ANKS6: variants seen among roughly 807,000 people sequenced by gnomAD.
The protein encoded by ANKS6 is ankyrin repeat and sterile alpha motif domain containing 6.
A neutral mutation model predicts 77.9 loss-of-function variants in ANKS6; 47 were observed. That is an observed-to-expected ratio of 0.60 (90% CI 0.48 to 0.77). ANKS6 has a LOEUF of 0.77. ANKS6 is among the 30% of genes least tolerant of loss of function. The probability of loss-of-function intolerance (pLI) is 0.00; values close to 1 mark genes in which losing one functional copy is unlikely to be tolerated. For synonymous variants in ANKS6, 488 were observed against 501.7 expected (o/e 0.97, Z 0.37); for missense variants, 1,150 against 1,159.1 (o/e 0.99, Z 0.11).
intron 13 of ANKS6, chr9:98,746,093 G>A (rs1230862420): frequency 1.2e-5 from 2 of 167,370 alleles, no homozygotes; most frequent in Non-Finnish European, 2.6e-5. Context: ...GACAGAGACA[G>A]ACTGTGGAAA....
At position 98,734,498 on chromosome 9, in the gene ANKS6, G is replaced by A. The variant is rs992439181; in HGVS notation, c.*2021C>T. 1 of 985,288 alleles carries A rather than the reference G, an allele frequency of 1.0e-6. No homozygotes were observed. Among genetic ancestry groups the A allele is most frequent in the African/African-American group, 1.7e-5 (1 of 57,228 alleles). 61.0% of individuals were successfully genotyped at this position (985,288 alleles called of 1,614,324 possible). ...TGAATTTCAGAGGCAAACAATTCTAGGCCTACTGTTAACCCCTGAAGCCAT... is the reference window on the plus strand; with the variant it reads ...TGAATTTCAGAGGCAAACAATTCTAAGCCTACTGTTAACCCCTGAAGCCAT... On this transcript the variant is annotated 3_prime_UTR_variant, in exon 15 of 15. Transcript: ENST00000353234.
At position 98,751,096 on chromosome 9, in the gene ANKS6, T is replaced by C. The variant is rs372265310; in HGVS notation, c.2327A>G (p.Asp776Gly). 2.3e-5 allele frequency: 37 copies of C among 1,602,830 alleles called. No homozygotes were observed. The highest frequency in any genetic ancestry group is 2.8e-5 in the Non-Finnish European group (33 of 1,176,276). The change falls in exon 13 of 15, where the codon GAT (aspartate) becomes GGT (glycine). Residue 776 changes from aspartate (D) to glycine (G), a missense_variant and splice_region_variant. Physicochemically the swap from Asp to Gly is moderately conservative, Grantham distance 94 (BLOSUM62 -1). Transcript: ENST00000353234. ...GSSSGTITDE[D>G]ELTGILKKLS... ...TTTCTTAAGGATTCCAGTCAGTTCATCTTCAAGATGGAAAGGTGAAAAAAA... is the reference window on the plus strand; with the variant it reads ...TTTCTTAAGGATTCCAGTCAGTTCACCTTCAAGATGGAAAGGTGAAAAAAA...
intron 9 of ANKS6, among the ~76,000 whole-genome samples, chr9:98,773,360 C>G (rs1170306031): frequency 2.0e-5 from 3 of 152,230 alleles, no homozygotes; most frequent in Non-Finnish European, 4.4e-5. Flanking sequence ...AGGTTACACA[C>G]AGATACCTTC....
At chr9:98,750,850 T>A (rs1251945289) in intron 13 of ANKS6, among the ~76,000 whole-genome samples, 179 bp downstream of exon 13, 1 of 152,190 alleles carries the variant, frequency 6.6e-6, no homozygotes, top group African/African-American at 2.4e-5. Flanking sequence ...AAGCAAGCCA[T>A]AAGTCCCCAG....
At chr9:98,786,773 T>C (rs1325513701) in intron 2 of ANKS6, among the ~76,000 whole-genome samples, 1 of 152,208 alleles carries the variant, frequency 6.6e-6, no homozygotes, top group African/African-American at 2.4e-5. Context: ...GCCAAGACCT[T>C]TTCACAGAAA....
At chr9:98,770,832 AG>A in intron 10 of ANKS6, 63 bp downstream of exon 10, 4 of 1,294,836 alleles carry the variant, frequency 3.1e-6, no homozygotes, top group Non-Finnish European at 3.0e-6. Flanking sequence ...ATATCCAGGC[AG>A]TGCACACCCT....
At chr9:98,742,670 C>T (rs1472067496) in intron 14 of ANKS6, among the ~76,000 whole-genome samples, 1 of 152,064 alleles carries the variant, frequency 6.6e-6, no homozygotes, top group Non-Finnish European at 1.5e-5. Flanking sequence ...GTTGGGGGGA[C>T]ACAGGTGGGA....
chr9:98,779,112 G>A (rs1834084170), intron 6 of ANKS6, among the ~76,000 whole-genome samples: 1 of 152,238 alleles, frequency 6.6e-6, no homozygotes, highest in Admixed American at 6.5e-5. Flanking sequence ...AAGGAGCGCC[G>A]AGTCTGCAGC....
In ANKS6 at chr9:98,791,459, T is replaced by A. The variant is rs1460077415; in HGVS notation, c.360-853A>T. ...AGATCTGCACCCACCAACTTCCTAG[T>A]ACCAGGAGAAGGAAAACAGGTACCT... On this transcript the variant is annotated intron_variant, in intron 1 of 14. Transcript: ENST00000353234. The surrounding 1 kb of genome is among the most constrained non-coding windows in gnomAD (Gnocchi z 4.3). Among the ~76,000 whole-genome samples, 1 of 152,170 alleles carries A rather than the reference T, an allele frequency of 6.6e-6. No individual in the cohort carries two copies. Among genetic ancestry groups the A allele is most frequent in the Non-Finnish European group, 1.5e-5 (1 of 68,016 alleles).
intron 11 of ANKS6, among the ~76,000 whole-genome samples, chr9:98,764,826 T>G (rs1372756547): frequency 6.6e-6 from 1 of 152,222 alleles, no homozygotes; most frequent in Non-Finnish European, 1.5e-5. Context: ...TTATTTAAAA[T>G]TCCCTGTCAA....
At position 98,778,249 on chromosome 9, in the gene ANKS6, G is replaced by A. The variant is rs141766991; in HGVS notation, c.1544C>T (p.Ala515Val). The change falls in exon 7 of 15, where the codon GCG becomes GTG. Residue 515 changes from alanine to valine, a missense_variant. Physicochemically the swap from Ala to Val is moderately conservative, Grantham distance 64. Transcript: ENST00000353234. The part of the protein sequence containing the change: ...DKTSRSALPD[A>V]APVTKDNGPG... ...ACCATTGTCTTTGGTCACAGGGGCC[G>A]CATCAGGGAGTGCAGAGCGGCTTGT... The A allele has an allele frequency of 5.6e-5, 90 of 1,614,164 alleles. No individual in the cohort carries two copies. Among genetic ancestry groups the A allele is most frequent in the Non-Finnish European group, 7.3e-5 (86 of 1,180,034 alleles).
In ANKS6 at chr9:98,796,327, G is replaced by A. The variant is rs138948716; in HGVS notation, c.165C>T (p.Ala55=). The A allele has an allele frequency of 0.33, 395,633 of 1,209,356 alleles. 66,736 individuals are homozygous for A. Among genetic ancestry groups the A allele is most frequent in the East Asian group, 0.42 (12,424 of 29,384 alleles). 74.9% of individuals were successfully genotyped at this position (1,209,356 alleles called of 1,614,324 possible). A position where few individuals can be genotyped will look rare whatever the true frequency, so the allele number is the denominator to read the frequency against. ...AGAEPAGAEV[A]GPGAAAAGAV... The stretch of plus-strand genomic sequence containing the variant: ...CCCCCGCCGCTGCGGCCCCGGGCCC[G>A]GCCACCTCGGCCCCCGCCGGCTCCG... The change falls in exon 1 of 15, where the codon GCC becomes GCT. Residue 55 remains alanine, a synonymous_variant. Coordinates refer to ENST00000353234, the MANE Select transcript of ANKS6 (RefSeq NM_173551.5).
chr9:98,785,554 T>C (rs968047917), intron 2 of ANKS6, among the ~76,000 whole-genome samples: 3 of 152,212 alleles, frequency 2.0e-5, no homozygotes, highest in Admixed American at 6.5e-5. Context: ...CGCCAGATGT[T>C]AGCCCCTCCC....
rs367820528 is a variant in ANKS6, at chr9:98,733,957, G to A, written c.*2562C>T. Reference sequence around the variant, plus strand: ...TTGTGGGGGGAACAGCCACAGGCAGGCTGGGGACACGTGTGGGAAGGGAAG... The same window carrying A: ...TTGTGGGGGGAACAGCCACAGGCAGACTGGGGACACGTGTGGGAAGGGAAG... On this transcript the variant is annotated 3_prime_UTR_variant, in exon 15 of 15. Transcript: ENST00000353234. 24 of 985,298 alleles carry A rather than the reference G, an allele frequency of 2.4e-5. No homozygotes were observed. In the East Asian group the frequency reaches 1.1e-3, roughly 47 times the overall value. The allele number at this position is 985,298 out of a possible 1,614,324, so 61.0% of individuals were successfully genotyped here. A position where few individuals can be genotyped will look rare whatever the true frequency, so the allele number is the denominator to read the frequency against.
At chr9:98,746,976 T>C (rs1832170018) in intron 13 of ANKS6, among the ~76,000 whole-genome samples, 1 of 152,214 alleles carries the variant, frequency 6.6e-6, no homozygotes, top group Admixed American at 6.5e-5. Context: ...TGGAGACAGA[T>C]AGGGTGCCAA....
rs111633157 is a variant in ANKS6, at chr9:98,732,551, T to C, written c.*3968A>G. 3,445 of 1,550,476 alleles carry C rather than the reference T, an allele frequency of 2.2e-3. 60 individuals are homozygous for C. In the African/African-American group the frequency reaches 0.042, roughly 19 times the overall value. ...TCTTCTGGCCTCACCCACCCAACCA[T>C]GGCTACGTCAGGGCAGAAGGGAGAG... On this transcript the variant is annotated 3_prime_UTR_variant, in exon 15 of 15. Coordinates refer to ENST00000353234, the MANE Select transcript of ANKS6 (RefSeq NM_173551.5).
chr9:98,767,068 T>G (rs886194713), intron 11 of ANKS6, among the ~76,000 whole-genome samples: 2 of 152,176 alleles, frequency 1.3e-5, no homozygotes, highest in Non-Finnish European at 2.9e-5. Context: ...GCAAAGAGGT[T>G]CAGGAGGCAG....
intron 12 of ANKS6, among the ~76,000 whole-genome samples, chr9:98,754,371 G>A (rs1168353351): frequency 6.6e-6 from 1 of 152,174 alleles, no homozygotes; most frequent in Non-Finnish European, 1.5e-5. Context: ...GCCGGGCGTG[G>A]TGGCTCACAC....
At chr9:98,762,247 A>ATC (rs1351205176) in intron 11 of ANKS6, among the ~76,000 whole-genome samples, 2 of 152,230 alleles carry the variant, frequency 1.3e-5, no homozygotes, top group Non-Finnish European at 2.9e-5. Context: ...GTAGAGAAAT[A>ATC]CAGCTGACTT....
Sources: allele counts gnomAD v4.1 joint callset (sites outside exome capture counted in the v4.1 genomes callset), GRCh38; gene constraint gnomAD v4.1.1; non-coding constraint Gnocchi (gnomAD v3.1); transcripts MANE v1.5; gene names NCBI Gene and HGNC (gene_info 2026-07-23, HGNC 2026-07-21).